MSRA: variants seen among roughly 807,000 people sequenced by gnomAD.
MSRA encodes the protein mitochondrial peptide methionine sulfoxide reductase.
Under a neutral mutation model 31.3 loss-of-function variants are expected in MSRA, and 54 were observed. The observed-to-expected ratio is 1.73, with a 90% confidence interval of 1.39 to 2.17. The LOEUF is 2.17. Among genes scored for constraint, MSRA ranks in the 30% most tolerant of loss-of-function variants. MSRA has a pLI of 0.00. For synonymous variants in MSRA, 169 were observed against 116.5 expected, an observed-to-expected ratio of 1.45 and a Z score of -2.90; for missense variants, 507 against 300.9, an observed-to-expected ratio of 1.69 and a Z score of -5.07.
intron 4 of MSRA, among the ~76,000 whole-genome samples, chr8:10,309,246 T>A (rs897426027): frequency 2.0e-5 from 3 of 152,268 alleles, no homozygotes. Context: ...CTCGTTGAAC[T>A]AGTGAGTGAA....
intron 5 of MSRA, among the ~76,000 whole-genome samples, chr8:10,329,053 C>T (rs1249076845): frequency 1.3e-5 from 2 of 152,182 alleles, no homozygotes; most frequent in Admixed American, 6.5e-5. Flanking sequence ...CTATTATGAT[C>T]GTACAACATT....
At chr8:10,284,156 A>C (rs1422232915) in intron 3 of MSRA, among the ~76,000 whole-genome samples, 1 of 152,022 alleles carries the variant, frequency 6.6e-6, no homozygotes, top group Non-Finnish European at 1.5e-5. Context: ...TTGGTTAATT[A>C]GGAAAACTGA....
intron 1 of MSRA, among the ~76,000 whole-genome samples, chr8:10,097,800 T>C (rs745536153): frequency 6.6e-6 from 1 of 152,150 alleles, no homozygotes; most frequent in Non-Finnish European, 1.5e-5. Flanking sequence ...AAAACAAATA[T>C]GTCAGAATAT....
chr8:10,285,795 T>A (rs1051886260), intron 3 of MSRA, among the ~76,000 whole-genome samples: 6 of 152,216 alleles, frequency 3.9e-5, no homozygotes, highest in African/African-American at 1.4e-4. Context: ...CATCTAAGCT[T>A]ATCTATGTTA....
At chr8:10,391,228 C>T (rs1806725766) in intron 5 of MSRA, among the ~76,000 whole-genome samples, 1 of 152,182 alleles carries the variant, frequency 6.6e-6, no homozygotes, top group South Asian at 2.1e-4. Flanking sequence ...CCCAAGTGAA[C>T]CTAGTTTGAA....
intron 1 of MSRA, among the ~76,000 whole-genome samples, chr8:10,180,427 G>T (rs926884122): frequency 2.0e-5 from 3 of 152,072 alleles, no homozygotes; most frequent in African/African-American, 7.3e-5. Context: ...TTTTATGGAG[G>T]CTTCATTATG....
At chr8:10,283,824 T>TATAC (rs1554515714) in intron 3 of MSRA, among the ~76,000 whole-genome samples, 1 of 68,972 alleles carries the variant, frequency 1.4e-5, no homozygotes, top group East Asian at 5.4e-4. Context: ...TATATATATA[T>TATAC]ATATATATAT....
chr8:10,186,911 T>A (rs542658791), intron 1 of MSRA, among the ~76,000 whole-genome samples: 2 of 152,232 alleles, frequency 1.3e-5, no homozygotes, highest in Non-Finnish European at 2.9e-5. Context: ...AATACCAGCC[T>A]TAGATCTTTT....
At chr8:10,157,976 A>G (rs995808700) in intron 1 of MSRA, among the ~76,000 whole-genome samples, 2 of 152,236 alleles carry the variant, frequency 1.3e-5, no homozygotes, top group African/African-American at 4.8e-5. Flanking sequence ...GCTTATATGC[A>G]ACAGAGATAA....
intron 2 of MSRA, among the ~76,000 whole-genome samples, chr8:10,219,198 A>G (rs1810265118): frequency 6.6e-6 from 1 of 152,224 alleles, no homozygotes; most frequent in Admixed American, 6.5e-5. Context: ...GCCCATAGCG[A>G]AGATTAACAG....
At chr8:10,060,327 A>T (rs1225402840) in intron 1 of MSRA, among the ~76,000 whole-genome samples, 2 of 152,228 alleles carry the variant, frequency 1.3e-5, no homozygotes, top group African/African-American at 4.8e-5. Context: ...GATTGCCAAG[A>T]TGTAGCATTA....
At chr8:10,203,669 T>G (rs556443382) in intron 1 of MSRA, among the ~76,000 whole-genome samples, 27 of 152,242 alleles carry the variant, frequency 1.8e-4, no homozygotes, top group Non-Finnish European at 4.0e-4. Flanking sequence ...TAAACAATGA[T>G]GTTACTGGCT....
chr8:10,216,800 A>G (rs1175458632), intron 2 of MSRA, among the ~76,000 whole-genome samples: 1 of 152,130 alleles, frequency 6.6e-6, no homozygotes, highest in Non-Finnish European at 1.5e-5. Flanking sequence ...TTGTCCATTC[A>G]CCTGTCAATC....
At chr8:10,077,455 T>A (rs1025873972) in intron 1 of MSRA, among the ~76,000 whole-genome samples, 3 of 150,732 alleles carry the variant, frequency 2.0e-5, no homozygotes, top group Non-Finnish European at 3.0e-5. Flanking sequence ...ATTTTATACA[T>A]GGATTCTTTT....
chr8:10,289,643 T>C (rs1170647543), intron 3 of MSRA, among the ~76,000 whole-genome samples: 2 of 152,180 alleles, frequency 1.3e-5, no homozygotes, highest in Admixed American at 6.5e-5. Flanking sequence ...TTTAGAACAG[T>C]TTTTGAAGAA....
chr8:10,132,617 A>G (rs1042347106), intron 1 of MSRA, among the ~76,000 whole-genome samples: 19 of 152,290 alleles, frequency 1.2e-4, no homozygotes, highest in African/African-American at 4.3e-4. Context: ...ACAGAGAGAG[A>G]GAAAGCAGGC....
chr8:10,113,360 C>T (rs1800442938), intron 1 of MSRA, among the ~76,000 whole-genome samples: 1 of 119,234 alleles, frequency 8.4e-6, no homozygotes, highest in South Asian at 3.1e-4. Context: ...TTTGGGAGAT[C>T]TAAAAGAAGG....
At chr8:10,417,118 C>G (rs964609626) in intron 5 of MSRA, among the ~76,000 whole-genome samples, 1 of 152,208 alleles carries the variant, frequency 6.6e-6, no homozygotes, top group Non-Finnish European at 1.5e-5. Flanking sequence ...TTTGCATAAG[C>G]AGGTCTCTTA....
chr8:10,072,362 A>G (rs2128918833), intron 1 of MSRA, among the ~76,000 whole-genome samples: 1 of 151,812 alleles, frequency 6.6e-6, no homozygotes, highest in African/African-American at 2.4e-5. Flanking sequence ...TAATTTGTTG[A>G]AATCCTTTCT....
Sources: allele counts gnomAD v4.1 joint callset (sites outside exome capture counted in the v4.1 genomes callset), GRCh38; gene constraint gnomAD v4.1.1; transcripts MANE v1.5; gene names NCBI Gene and HGNC (gene_info 2026-07-23, HGNC 2026-07-21).